AKAP7: variants seen among roughly 807,000 people sequenced by gnomAD.
The protein encoded by AKAP7 is A-kinase anchoring protein 7.
AKAP7 carries 39 observed loss-of-function variants against 39.5 expected under a neutral mutation model. The observed-to-expected ratio is 0.99, with a 90% CI of 0.76 to 1.29. The LOEUF is 1.29. AKAP7 is among the 50% of genes most tolerant of loss of function. The probability of loss-of-function intolerance (pLI) is 0.00; values close to 1 mark genes in which losing one functional copy is unlikely to be tolerated. For synonymous variants in AKAP7, 140 were observed against 139.1 expected, an observed-to-expected ratio of 1.01 and a Z score of -0.05; for missense variants, 414 against 407.7, an observed-to-expected ratio of 1.02 and a Z score of -0.13.
In AKAP7 at chr6:131,184,781, C is replaced by T. The variant is rs937327651; in HGVS notation, c.590-14680C>T. The T allele has an allele frequency of 6.0e-6, 8 of 1,325,972 alleles. No individual in the cohort carries two copies. In the East Asian group the frequency reaches 1.6e-4, roughly 27 times the overall value. The allele number at this position is 1,325,972 out of a possible 1,614,324, so 82.1% of individuals were successfully genotyped here. On this transcript the variant is annotated intron_variant, in intron 5 of 7. Transcript: ENST00000431975. ...GTGGGTGGTTGGGAGTCTTCTTTGT[C>T]CTCGCCCTCCTCAGCCAAGTGAGAG... is the stretch of plus-strand genomic sequence containing the variant.
intron 7 of AKAP7, among the ~76,000 whole-genome samples, chr6:131,249,570 A>G (rs1051976691): frequency 2.0e-5 from 3 of 152,186 alleles, no homozygotes; most frequent in Non-Finnish European, 4.4e-5. Context: ...AATTTCTGGC[A>G]CTATGAACAA....
chr6:131,126,054 G>T, the AKAP7 span, among the ~76,000 whole-genome samples: 2 of 152,110 alleles, frequency 1.3e-5, no homozygotes, highest in Admixed American at 1.3e-4. Flanking sequence ...TGCCATGAAG[G>T]TGTCCTCTCT....
At chr6:131,202,694 G>A (rs973751662) in intron 6 of AKAP7, among the ~76,000 whole-genome samples, 8 of 151,438 alleles carry the variant, frequency 5.3e-5, no homozygotes, top group African/African-American at 1.5e-4. Flanking sequence ...CACCAGCATG[G>A]CACATGTATA....
intron 1 of AKAP7, among the ~76,000 whole-genome samples, chr6:131,138,012 T>C (rs1279400876): frequency 2.0e-5 from 3 of 152,198 alleles, no homozygotes; most frequent in African/African-American, 7.2e-5. Flanking sequence ...TCATTGTTCG[T>C]AGTTGTCATT....
At chr6:131,202,402 C>T (rs1022663296) in intron 6 of AKAP7, among the ~76,000 whole-genome samples, 4 of 147,956 alleles carry the variant, frequency 2.7e-5, no homozygotes, top group Non-Finnish European at 4.5e-5. Context: ...AAATGTGGCA[C>T]ATATACACCA....
intron 2 of AKAP7, among the ~76,000 whole-genome samples, chr6:131,155,405 T>C (rs1373127227): frequency 2.0e-5 from 3 of 152,232 alleles, no homozygotes; most frequent in Non-Finnish European, 1.5e-5. Context: ...GATTGATCAG[T>C]GGCTTCAGGT....
intron 7 of AKAP7, among the ~76,000 whole-genome samples, chr6:131,276,288 G>T (rs1814734641): frequency 6.6e-6 from 1 of 152,066 alleles, no homozygotes; most frequent in African/African-American, 2.4e-5. Context: ...GTGAGTTTTG[G>T]TTTTTGGCAA....
chr6:131,244,444 T>C (rs527429518), intron 7 of AKAP7, among the ~76,000 whole-genome samples: 2 of 152,340 alleles, frequency 1.3e-5, no homozygotes, highest in South Asian at 4.1e-4. Flanking sequence ...AAATGTGAGG[T>C]GTCCAGATAT....
At chr6:131,225,292 T>G (rs1209214288) in intron 7 of AKAP7, among the ~76,000 whole-genome samples, 1 of 152,156 alleles carries the variant, frequency 6.6e-6, no homozygotes, top group Non-Finnish European at 1.5e-5. Context: ...TGTTTTCCCC[T>G]CAGAAGCCCA....
At chr6:131,240,069 G>A (rs1383503105) in intron 7 of AKAP7, among the ~76,000 whole-genome samples, 2 of 152,146 alleles carry the variant, frequency 1.3e-5, no homozygotes, top group Non-Finnish European at 2.9e-5. Context: ...TGATGGTGAC[G>A]TACAGATGGG....
At chr6:131,266,609 C>CTA in intron 7 of AKAP7, among the ~76,000 whole-genome samples, 1 of 152,114 alleles carries the variant, frequency 6.6e-6, no homozygotes, top group Non-Finnish European at 1.5e-5. Flanking sequence ...AGAGAAATAT[C>CTA]CTAAATTACT....
chr6:131,256,292 A>C (rs1463123390), intron 7 of AKAP7, among the ~76,000 whole-genome samples: 4 of 152,212 alleles, frequency 2.6e-5, no homozygotes, highest in African/African-American at 9.7e-5. Context: ...TCCCTTTATT[A>C]AATAATTTGT....
In AKAP7 at chr6:131,283,242, T is replaced by C. The variant is rs1180906584; in HGVS notation, c.*1516T>C. 2 of 152,642 alleles carry C rather than the reference T, an allele frequency of 1.3e-5. No homozygotes were observed. The highest frequency in any genetic ancestry group is 4.8e-5 in the African/African-American group (2 of 41,438). 9.5% of individuals were successfully genotyped at this position (152,642 alleles called of 1,614,324 possible). A position where few individuals can be genotyped will look rare whatever the true frequency, so the allele number is the denominator to read the frequency against. On this transcript the variant is annotated 3_prime_UTR_variant, in exon 8 of 8. Transcript: ENST00000431975. The stretch of plus-strand genomic sequence containing the variant: ...GTCCGAAGATAAGCTCCAGGTCTTA[T>C]CGTATCCCTTGCCATCTGAACTTGT...
chr6:131,272,200 T>C (rs937255436), intron 7 of AKAP7, among the ~76,000 whole-genome samples: 1 of 152,232 alleles, frequency 6.6e-6, no homozygotes, highest in Non-Finnish European at 1.5e-5. Context: ...GTTTGTATAA[T>C]CGATAGTGAT....
chr6:131,149,007 G>A (rs1801700529), intron 2 of AKAP7, among the ~76,000 whole-genome samples: 1 of 152,214 alleles, frequency 6.6e-6, no homozygotes, highest in Non-Finnish European at 1.5e-5. Context: ...CCCTGGCAGA[G>A]CAATGAGGAA....
chr6:131,156,575 G>A (rs1283538266), intron 2 of AKAP7, among the ~76,000 whole-genome samples: 1 of 151,962 alleles, frequency 6.6e-6, no homozygotes, highest in Non-Finnish European at 1.5e-5. Flanking sequence ...AGGAGTTCGA[G>A]GTTACAGTGA....
At chr6:131,125,892 A>G in the AKAP7 span, among the ~76,000 whole-genome samples, 1 of 152,148 alleles carries the variant, frequency 6.6e-6, no homozygotes, top group East Asian at 1.9e-4. Flanking sequence ...TTTTAAGTTG[A>G]TTTAATAAAC....
chr6:131,257,829 C>T (rs1484319111), intron 7 of AKAP7, among the ~76,000 whole-genome samples: 3 of 152,116 alleles, frequency 2.0e-5, no homozygotes, highest in Non-Finnish European at 4.4e-5. Context: ...ATGCCCAAGA[C>T]CTTCTGCACT....
intron 7 of AKAP7, among the ~76,000 whole-genome samples, chr6:131,224,687 A>G (rs1809994512): frequency 6.9e-6 from 1 of 145,294 alleles, no homozygotes; most frequent in Non-Finnish European, 1.5e-5. Context: ...AAAAAAAATC[A>G]GTTAGTATAT....
Sources: allele counts gnomAD v4.1 joint callset (sites outside exome capture counted in the v4.1 genomes callset), GRCh38; gene constraint gnomAD v4.1.1; transcripts MANE v1.5; gene names NCBI Gene and HGNC (gene_info 2026-07-23, HGNC 2026-07-21).